MMP15: variants seen among roughly 807,000 people sequenced by gnomAD.
MMP15 encodes matrix metallopeptidase 15, also known as matrix metalloproteinase-15.
A neutral mutation model predicts 65.0 loss-of-function variants in MMP15; 36 were observed. That is an observed-to-expected ratio of 0.55 (90% confidence interval 0.42 to 0.73). The LOEUF is 0.73. Ranked by LOEUF, MMP15 falls within the 30% of genes least tolerant of loss-of-function variation. The pLI is 0.00. For synonymous variants in MMP15, 428 were observed against 410.2 expected, an observed-to-expected ratio of 1.04 and a Z score of -0.52; for missense variants, 870 against 987.8, an observed-to-expected ratio of 0.88 and a Z score of 1.60.
chr16:58,038,338 T>G lies in MMP15; in HGVS notation c.384T>G (p.Arg128=), dbSNP rs553504404. The G allele has an allele frequency of 1.1e-5, 17 of 1,613,960 alleles. No homozygotes were observed. The highest frequency in any genetic ancestry group is 9.3e-5 in the African/African-American group (7 of 75,006). ...GVRVKANLRR[R]RKRYALTGRK... ...GAGTGAAAGCCAACCTGCGGCGGCG[T>G]CGGAAGCGCTACGCCCTCACCGGGA... is the stretch of plus-strand genomic sequence containing the variant. Residue 128 remains arginine, a synonymous_variant, in exon 3 of 10, where the codon CGT becomes CGG. Coordinates refer to ENST00000219271, the MANE Select transcript of MMP15 (RefSeq NM_002428.4).
In MMP15 at chr16:58,031,853, C is replaced by T. The variant is rs865885058; in HGVS notation, c.162+5341C>T. 2.1e-3 allele frequency among the ~76,000 whole-genome samples: 119 copies of T among 57,746 alleles called. 1 individual carries two copies. Among genetic ancestry groups the T allele is most frequent in the African/African-American group, 9.2e-3 (112 of 12,114 alleles). 37.9% of individuals were successfully genotyped at this position (57,746 alleles called of 152,430 possible). Reference sequence around the variant, plus strand: ...CAAGGAGGACCTGGCTCGATGCCGCCTTTTTTTTTTTTTTTTTTTTTTTTT... The same window carrying T: ...CAAGGAGGACCTGGCTCGATGCCGCTTTTTTTTTTTTTTTTTTTTTTTTTT... On this transcript the variant is annotated intron_variant, in intron 1 of 9. Transcript: ENST00000219271.
At position 58,043,198 on chromosome 16, in the gene MMP15, C is replaced by A; in HGVS notation, c.1304-12C>A. ...AGGCCTGACCTCACTGTGCCTGCCA[C>A]CCCTCCTGTAGGTGACCGCTACTGG... On this transcript the variant is annotated splice_polypyrimidine_tract_variant and intron_variant, in intron 7 of 9. Coordinates refer to ENST00000219271, the MANE Select transcript of MMP15 (RefSeq NM_002428.4). 1 of 1,571,996 alleles carries A rather than the reference C, an allele frequency of 6.4e-7. No individual in the cohort carries two copies. Among genetic ancestry groups the A allele is most frequent in the East Asian group, 2.3e-5 (1 of 43,894 alleles).
At position 58,042,082 on chromosome 16, in the gene MMP15, C is replaced by T. The variant is rs1292604514; in HGVS notation, c.1165-149C>T. On this transcript the variant is annotated intron_variant, in intron 6 of 9. Coordinates refer to ENST00000219271, the MANE Select transcript of MMP15 (RefSeq NM_002428.4). ...AGCTCAGGGCTCTGTTTCTGTGCAG[C>T]CCTGGCTTTCCAAGCCACTGCCTGC... The T allele has an allele frequency of 1.6e-5, 19 of 1,151,974 alleles. No individual in the cohort carries two copies. In the Admixed American group the frequency reaches 4.4e-4, roughly 26 times the overall value. The allele number at this position is 1,151,974 out of a possible 1,614,324, so 71.4% of individuals were successfully genotyped here.
At chr16:58,038,180 CCGGAAGTGG>C (rs1157282285) in intron 2 of MMP15, 77 bp from the exon 3 acceptor site, 27 of 1,560,170 alleles carry the variant, frequency 1.7e-5, no homozygotes, top group African/African-American at 4.0e-5. Context: ...GCTGGGAAGC[CCGGAAGTGG>C]CGGAAGTGGC....
intron 7 of MMP15, 22 bp from the exon 8 acceptor site, chr16:58,043,186 CTG>C (rs1567431935): frequency 1.9e-6 from 3 of 1,558,168 alleles, no homozygotes; most frequent in East Asian, 2.3e-5. Flanking sequence ...CCTGACCTCA[CTG>C]TGCCTGCCAC....
Position 58,040,541 on chromosome 16 carries a change from C to T in MMP15, c.753C>T (p.Asn251=), listed in dbSNP as rs766218799. 64 of 1,612,836 alleles carry T rather than the reference C, an allele frequency of 4.0e-5. No homozygotes were observed. Among genetic ancestry groups the T allele is most frequent in the Non-Finnish European group, 5.4e-5 (64 of 1,179,960 alleles). Residue 251 remains asparagine (N), a synonymous_variant, in exon 5 of 10, where the codon AAC becomes AAT. Transcript: ENST00000219271. ...CCCTCCTTCTCTCCCCAAAAGGAAA[C>T]AACCTCTTCCTGGTGGCAGTGCATG... ...WTFSSTDLHG[N]NLFLVAVHEL... is the part of the protein sequence containing the mutation.
At chr16:58,028,769 G>C (rs1358815547) in intron 1 of MMP15, among the ~76,000 whole-genome samples, 1 of 152,198 alleles carries the variant, frequency 6.6e-6, no homozygotes, top group African/African-American at 2.4e-5. Context: ...GGACTTTCAC[G>C]AGGCTGAGAC....
chr16:58,028,747 G>A (rs1039772466), intron 1 of MMP15, among the ~76,000 whole-genome samples: 27 of 152,298 alleles, frequency 1.8e-4, no homozygotes, highest in African/African-American at 6.3e-4. Flanking sequence ...CCCTCCCAGG[G>A]TGGAAGCCAC....
In MMP15 at chr16:58,026,244, G is replaced by A. The variant is rs575998676; in HGVS notation, c.-107G>A. 2.5e-6 allele frequency: 3 copies of A among 1,190,868 alleles called. No individual in the cohort carries two copies. In the Admixed American group the frequency reaches 1.3e-4, roughly 51 times the overall value. 73.8% of individuals were successfully genotyped at this position (1,190,868 alleles called of 1,614,324 possible). ...CTCCGGCGGGGACCGGGAGCCCGAG[G>A]TCCGCGGCGCGCCTGCCGGGCCAGG... On this transcript the variant is annotated 5_prime_UTR_variant, in exon 1 of 10. Transcript: ENST00000219271.
chr16:58,029,157 G>T (rs989361053), intron 1 of MMP15, among the ~76,000 whole-genome samples: 4 of 152,214 alleles, frequency 2.6e-5, no homozygotes, highest in Non-Finnish European at 5.9e-5. Context: ...TATCTTCCTA[G>T]CCCCTACCCA....
At chr16:58,036,627 GC>G (rs1162050311) in intron 1 of MMP15, among the ~76,000 whole-genome samples, 1 of 152,246 alleles carries the variant, frequency 6.6e-6, no homozygotes, top group African/African-American at 2.4e-5. Flanking sequence ...AGGTGAGGAA[GC>G]TGGGGCCCAG....
Position 58,039,963 on chromosome 16 carries a change from C to T in MMP15, c.529C>T (p.Leu177=), listed in dbSNP as rs892778317. 1.9e-6 allele frequency: 3 copies of T among 1,613,792 alleles called. No individual in the cohort carries two copies. The highest frequency in any genetic ancestry group is 1.7e-5 in the Admixed American group (1 of 60,008). The change falls in exon 4 of 10, where the codon CTG becomes TTG. Residue 177 remains leucine (L), a synonymous_variant. Coordinates refer to ENST00000219271, the MANE Select transcript of MMP15 (RefSeq NM_002428.4). The stretch of plus-strand genomic sequence containing the variant: ...CCGCGTGTGGGAGCAGGCCACGCCC[C>T]TGGTCTTCCAGGAGGTGCCCTATGA... ...AFRVWEQATP[L]VFQEVPYEDI...
intron 7 of MMP15, among the ~76,000 whole-genome samples, chr16:58,042,616 C>T (rs1011954326): frequency 6.6e-6 from 1 of 152,222 alleles, no homozygotes; most frequent in Non-Finnish European, 1.5e-5. Context: ...GGGCTCAGCC[C>T]TGCTTCCCTC....
intron 1 of MMP15, among the ~76,000 whole-genome samples, chr16:58,036,658 G>A (rs1263100591): frequency 1.3e-5 from 2 of 152,246 alleles, no homozygotes; most frequent in East Asian, 1.9e-4. Flanking sequence ...AGAGTTTGTA[G>A]CAGAGCAGGG....
chr16:58,045,313 T>A lies in MMP15; in HGVS notation c.1877T>A (p.Val626Glu), dbSNP rs559186695. 3.2e-5 allele frequency: 52 copies of A among 1,609,764 alleles called. No individual in the cohort carries two copies. The highest frequency in any genetic ancestry group is 2.5e-6 in the Non-Finnish European group (3 of 1,179,180). Reference protein sequence around the residue: ...QMEEVARTVNVVMVLVPLLLL... With the variant: ...QMEEVARTVNEVMVLVPLLLL... ...GAGGAGGTGGCACGGACGGTGAACG[T>A]GGTGATGGTGCTGGTGCCACTGCTG... Residue 626 changes from valine (V) to glutamate (E), a missense_variant, in exon 10 of 10, where the codon GTG becomes GAG. Val to Glu is a moderately radical substitution (Grantham distance 121). Coordinates refer to ENST00000219271, the MANE Select transcript of MMP15 (RefSeq NM_002428.4).
chr16:58,034,647 TC>T (rs1959294532), intron 1 of MMP15, among the ~76,000 whole-genome samples: 1 of 152,156 alleles, frequency 6.6e-6, no homozygotes, highest in Non-Finnish European at 1.5e-5. Flanking sequence ...CCCCCCAGCT[TC>T]CCCAATCACT....
chr16:58,027,492 A>G (rs1369466229), intron 1 of MMP15, among the ~76,000 whole-genome samples: 2 of 152,138 alleles, frequency 1.3e-5, no homozygotes, highest in Non-Finnish European at 2.9e-5. Flanking sequence ...GAGTAGGGAG[A>G]AAGAACCACC....
intron 4 of MMP15, 124 bp downstream of exon 4, chr16:58,040,306 A>G (rs2304488): frequency 0.26 from 288,945 of 1,091,612 alleles, 44,110 homozygotes; most frequent in African/African-American, 0.6. Context: ...GTTTGTCTCC[A>G]GATCACTACA....
intron 6 of MMP15, 25 bp downstream of exon 6, chr16:58,041,895 G>A (rs566524195): frequency 1.9e-6 from 3 of 1,546,314 alleles, no homozygotes; most frequent in South Asian, 1.3e-5. Flanking sequence ...CCCATGCCTG[G>A]CCCTGAGCCT....
Sources: gnomAD v4.1 joint callset for allele counts (sites outside exome capture counted in the v4.1 genomes callset) on GRCh38, gnomAD v4.1.1 for gene constraint, MANE v1.5 for transcripts, NCBI Gene and HGNC (gene_info 2026-07-23, HGNC 2026-07-21) for gene names.